Variants in TMEM39A observed in about 807,000 individuals in gnomAD.
TMEM39A encodes suppressor of SQST-1 aggregates in rpl-43 mutants.
A neutral mutation model predicts 51.9 loss-of-function variants in TMEM39A; 19 were observed. That is an observed-to-expected ratio of 0.37 (90% CI 0.26 to 0.54). The LOEUF is 0.54. Among genes scored for constraint, TMEM39A ranks in the 20% least tolerant of loss-of-function variants. The probability of loss-of-function intolerance (pLI) is 0.88; values close to 1 mark genes in which losing one functional copy is unlikely to be tolerated. For synonymous variants in TMEM39A, 197 were observed against 220.2 expected (o/e 0.89, Z 0.93); for missense variants, 433 against 590.5 (o/e 0.73, Z 2.76).
chr3:119,436,882 T>G lies in TMEM39A; in HGVS notation c.1021A>C (p.Lys341Gln). 1 of 1,614,074 alleles carries G rather than the reference T, an allele frequency of 6.2e-7. No homozygotes were observed. Among genetic ancestry groups the G allele is most frequent in the Non-Finnish European group, 8.5e-7 (1 of 1,179,940 alleles). Residue 341 changes from lysine (K) to glutamine (Q), a missense_variant, in exon 7 of 9, where the codon AAA (lysine) becomes CAA (glutamine). This residue lies in a region of TMEM39A where 223 missense variants were observed against 328.1 expected (regional missense o/e 0.68). Transcript: ENST00000319172. The part of the protein sequence containing the change: ...VMLTTQLLPS[K>Q]YCDLLHKSAA... ...GATTTATGTAGCAAATCACAGTATT[T>G]GGATGGCAACAGTTGCGTGGTGAGC...
chr3:119,433,684 A>T (rs1191918051), intron 8 of TMEM39A, among the ~76,000 whole-genome samples: 1 of 152,196 alleles, frequency 6.6e-6, no homozygotes, highest in Non-Finnish European at 1.5e-5. Context: ...TGAATTAAAT[A>T]TTCTATATAG....
rs188938443 is a variant in TMEM39A at position 119,445,650 on chromosome 3, G to A, written c.575+1368C>T. Among the ~76,000 whole-genome samples, 168 of 152,340 alleles carry A rather than the reference G, an allele frequency of 1.1e-3. 2 individuals carry two copies. The highest frequency in any genetic ancestry group is 3.9e-3 in the African/African-American group (164 of 41,578). On this transcript the variant is annotated intron_variant, in intron 5 of 8. Transcript: ENST00000319172. The stretch of plus-strand genomic sequence containing the variant: ...CTCTAGTTAATGATACACACATGCT[G>A]AAGTATTGAGGAGGAAGCAAACTGA...
chr3:119,437,336 T>G (rs1209058902), intron 6 of TMEM39A, among the ~76,000 whole-genome samples: 1 of 152,032 alleles, frequency 6.6e-6, no homozygotes, highest in Non-Finnish European at 1.5e-5. Flanking sequence ...TCCAGACCAT[T>G]TTTCTTTTCT....
chr3:119,457,040 G>A (rs1292943400), intron 3 of TMEM39A, among the ~76,000 whole-genome samples: 2 of 149,622 alleles, frequency 1.3e-5, no homozygotes, highest in East Asian at 2.0e-4. Flanking sequence ...GCTCGATTTC[G>A]GCTCACTGCA....
chr3:119,434,839 G>A lies in TMEM39A; in HGVS notation c.1156C>T (p.His386Tyr). Residue 386 changes from histidine to tyrosine, a missense_variant, in exon 8 of 9, where the codon CAC becomes TAC. His to Tyr is a moderately conservative substitution (Grantham distance 83). Transcript: ENST00000319172. ...ATGGCTCTATATAAACATCTGCTGT[G>A]CCGCACCAGCACCCCTTGAGGCCAT... ...TIWPQGVLVR[H>Y]SRCLYRAMGP... The A allele has an allele frequency of 6.2e-7, 1 of 1,613,738 alleles. No homozygotes were observed. Among genetic ancestry groups the A allele is most frequent in the Admixed American group, 1.7e-5 (1 of 59,998 alleles).
At chr3:119,458,352 A>G in intron 2 of TMEM39A, 112 bp from the exon 3 acceptor site, 1 of 839,158 alleles carries the variant, frequency 1.2e-6, no homozygotes, top group Non-Finnish European at 1.9e-6. Context: ...CTTTCCCCAC[A>G]AGACTCCATC....
At chr3:119,450,898 T>C (rs556421456) in intron 4 of TMEM39A, among the ~76,000 whole-genome samples, 56 of 145,806 alleles carry the variant, frequency 3.8e-4, no homozygotes, top group African/African-American at 1.3e-3. Flanking sequence ...GCTGCTATAC[T>C]ACTTTTAGGG....
At chr3:119,441,218 T>C (rs1359804443) in intron 5 of TMEM39A, among the ~76,000 whole-genome samples, 1 of 152,140 alleles carries the variant, frequency 6.6e-6, no homozygotes, top group Non-Finnish European at 1.5e-5. Context: ...ACATCACACA[T>C]CTCTCACTTT....
Position 119,437,950 on chromosome 3 carries a change from C to T in TMEM39A, c.729G>A (p.Leu243=). The T allele has an allele frequency of 6.2e-7, 1 of 1,614,144 alleles. No individual in the cohort carries two copies. The highest frequency in any genetic ancestry group is 8.5e-7 in the Non-Finnish European group (1 of 1,180,002). The change falls in exon 6 of 9, where the codon TTG becomes TTA. Residue 243 remains leucine, a synonymous_variant. Coordinates refer to ENST00000319172, the MANE Select transcript of TMEM39A (RefSeq NM_018266.3). Reference sequence around the variant, plus strand: ...ACTGTTCTTTTAGCGACTCCAGCAACAAGGAGAGAAAGTCTTTGGATTTGG... The same window carrying T: ...ACTGTTCTTTTAGCGACTCCAGCAATAAGGAGAGAAAGTCTTTGGATTTGG... ...GLAKSKDFLS[L]LLESLKEQFN...
intron 3 of TMEM39A, among the ~76,000 whole-genome samples, chr3:119,456,631 T>A (rs150234242): frequency 6.6e-6 from 1 of 152,314 alleles, no homozygotes; most frequent in African/African-American, 2.4e-5. Context: ...CAACAACCTA[T>A]CTGTCAAGTC....
intron 3 of TMEM39A, among the ~76,000 whole-genome samples, chr3:119,455,319 C>T (rs1229139403): frequency 1.8e-4 from 27 of 152,158 alleles, no homozygotes; most frequent in South Asian, 2.1e-4. Context: ...GATTCATGGG[C>T]TAAACTCTTA....
intron 3 of TMEM39A, among the ~76,000 whole-genome samples, chr3:119,452,765 C>T (rs564496748): frequency 6.6e-6 from 1 of 152,278 alleles, no homozygotes; most frequent in South Asian, 2.1e-4. Context: ...TATTCCTCTC[C>T]CTTTTCAAAA....
At chr3:119,458,466 GA>G (rs1290729406) in intron 2 of TMEM39A, among the ~76,000 whole-genome samples, 5 of 152,270 alleles carry the variant, frequency 3.3e-5, no homozygotes, top group African/African-American at 9.6e-5. Context: ...TCTCTCCATA[GA>G]GCTCACTGCT....
chr3:119,460,732 T>C (rs1463499851), intron 2 of TMEM39A, among the ~76,000 whole-genome samples: 1 of 152,048 alleles, frequency 6.6e-6, no homozygotes, highest in Non-Finnish European at 1.5e-5. Flanking sequence ...ACTGCTAGAG[T>C]TAGGAGGCAA....
chr3:119,435,931 C>G (rs1385983937), intron 7 of TMEM39A: 2 of 1,289,660 alleles, frequency 1.6e-6, no homozygotes, highest in Non-Finnish European at 2.0e-6. Flanking sequence ...AAGGCCTGTG[C>G]TAATCTGTAT....
chr3:119,454,002 T>C (rs919332419), intron 3 of TMEM39A, among the ~76,000 whole-genome samples: 1 of 152,110 alleles, frequency 6.6e-6, no homozygotes, highest in African/African-American at 2.4e-5. Flanking sequence ...GGCTGAGAGC[T>C]GAATGACAAA....
At position 119,432,155 on chromosome 3, in the gene TMEM39A, G is replaced by A. The variant is rs764016997; in HGVS notation, c.1293C>T (p.Val431=). The A allele has an allele frequency of 9.9e-6, 16 of 1,613,066 alleles. No individual in the cohort carries two copies. The highest frequency in any genetic ancestry group is 1.6e-4 in the Middle Eastern group (1 of 6,080). ...GCAAGGAATAGAGCTGATAGAAGAC[G>A]ACACTGCCCTCAATAAGGATGAGCA... is the stretch of plus-strand genomic sequence containing the variant. ...LNLLILIEGS[V]VFYQLYSLLR... is the part of the protein sequence containing the mutation. Residue 431 remains valine, a synonymous_variant, in exon 9 of 9, where the codon GTC becomes GTT. Transcript: ENST00000319172.
intron 3 of TMEM39A, among the ~76,000 whole-genome samples, chr3:119,457,436 A>G (rs71325380): frequency 0.15 from 23,331 of 152,234 alleles, 2,136 homozygotes; most frequent in South Asian, 0.22. Context: ...TTCTCTTGTA[A>G]TTAGGAGTGG....
chr3:119,463,100 G>T (rs1046829343), intron 1 of TMEM39A, among the ~76,000 whole-genome samples: 1 of 152,228 alleles, frequency 6.6e-6, no homozygotes, highest in Admixed American at 6.5e-5. Context: ...TGGATGCAGG[G>T]GCTGCTGGTC....
Sources: gnomAD v4.1 joint callset for allele counts (sites outside exome capture counted in the v4.1 genomes callset) on GRCh38, gnomAD v4.1.1 for gene constraint, gnomAD v4.1.1 regional missense constraint, MANE v1.5 for transcripts, NCBI Gene and HGNC (gene_info 2026-07-23, HGNC 2026-07-21) for gene names.